Variants in SH2D4B observed in about 807,000 individuals in gnomAD.
SH2D4B encodes SH2 domain-containing protein 4B.
Under a neutral mutation model 61.5 loss-of-function variants are expected in SH2D4B, and 45 were observed. That is an observed-to-expected ratio of 0.73 (90% confidence interval 0.58 to 0.94). The LOEUF (loss-of-function observed/expected upper bound fraction) is 0.94, where lower values mean the gene tolerates loss of function less well. Ranked by LOEUF, SH2D4B falls within the 40% of genes least tolerant of loss-of-function variation. The pLI is 0.00. For synonymous variants in SH2D4B, 224 were observed against 220.4 expected (o/e 1.02, Z -0.14); for missense variants, 572 against 574.2 (o/e 1.00, Z 0.04).
chr10:80,619,683 AT>A (rs1460609872), intron 6 of SH2D4B, among the ~76,000 whole-genome samples: 1 of 152,264 alleles, frequency 6.6e-6, no homozygotes, highest in Non-Finnish European at 1.5e-5. Flanking sequence ...AATATGGCCA[AT>A]AACTATGGGT....
At chr10:80,586,323 G>A (rs1443972139) in intron 3 of SH2D4B, among the ~76,000 whole-genome samples, 2 of 152,242 alleles carry the variant, frequency 1.3e-5, no homozygotes, top group Non-Finnish European at 2.9e-5. Flanking sequence ...ACTGGGTGAA[G>A]CCAGCTGGGC....
At chr10:80,604,791 G>GTTTTTTT (rs34202612) in intron 5 of SH2D4B, among the ~76,000 whole-genome samples, 2 of 148,208 alleles carry the variant, frequency 1.3e-5, no homozygotes, top group Admixed American at 6.7e-5. Context: ...ACTGTTCTTA[G>GTTTTTTT]TTTTTTTTTT....
intron 6 of SH2D4B, 139 bp downstream of exon 6, chr10:80,609,690 G>T (rs766388551): frequency 9.3e-6 from 13 of 1,394,984 alleles, no homozygotes; most frequent in Non-Finnish European, 1.3e-5. Context: ...CCCTCTCCCA[G>T]TGGGAGTCCA....
At chr10:80,558,709 G>A (rs1356656254) in intron 1 of SH2D4B, among the ~76,000 whole-genome samples, 1 of 152,036 alleles carries the variant, frequency 6.6e-6, no homozygotes, top group African/African-American at 2.4e-5. Flanking sequence ...GGTCTTATGT[G>A]GTTAAGGCTG....
At chr10:80,565,558 A>G (rs896344163) in intron 1 of SH2D4B, among the ~76,000 whole-genome samples, 4 of 151,608 alleles carry the variant, frequency 2.6e-5, no homozygotes, top group African/African-American at 7.3e-5. Flanking sequence ...ACCACACCCA[A>G]CTGAAGAACT....
intron 3 of SH2D4B, among the ~76,000 whole-genome samples, chr10:80,580,680 G>A (rs1842176767): frequency 6.6e-6 from 1 of 152,104 alleles, no homozygotes; most frequent in African/African-American, 2.4e-5. Context: ...AGGGGGCCTA[G>A]GATTTTAAAA....
At chr10:80,592,715 CTTTTT>C (rs60807866) in intron 4 of SH2D4B, among the ~76,000 whole-genome samples, 4 of 134,558 alleles carry the variant, frequency 3.0e-5, no homozygotes, top group Non-Finnish European at 4.7e-5. Flanking sequence ...CTCTCTGTCT[CTTTTT>C]TTTTTTTTTT....
At chr10:80,606,242 G>T (rs996813593) in intron 5 of SH2D4B, among the ~76,000 whole-genome samples, 2 of 151,922 alleles carry the variant, frequency 1.3e-5, no homozygotes, top group Non-Finnish European at 2.9e-5. Flanking sequence ...TGGCCTCGTG[G>T]AATACACATC....
At chr10:80,582,801 C>T (rs1050013679) in intron 3 of SH2D4B, among the ~76,000 whole-genome samples, 6 of 152,174 alleles carry the variant, frequency 3.9e-5, no homozygotes, top group African/African-American at 1.4e-4. Context: ...GGCCAGGGGC[C>T]CTGCTTGCTG....
chr10:80,544,810 G>A lies in SH2D4B; in HGVS notation c.184+6295G>A, dbSNP rs10444009. On this transcript the variant is annotated intron_variant, in intron 1 of 7. Coordinates refer to ENST00000646907, the MANE Select transcript of SH2D4B (RefSeq NM_001388272.1). ...GTTAGCTCACGTATCCCCCTGCCTCGATGGTTTTCATGGCACTCATGAAAG... is the reference window on the plus strand; with the variant it reads ...GTTAGCTCACGTATCCCCCTGCCTCAATGGTTTTCATGGCACTCATGAAAG... Among the ~76,000 whole-genome samples the A allele has an allele frequency of 5.4e-3, 826 of 152,274 alleles. 3 individuals are homozygous for A. The highest frequency in any genetic ancestry group is 9.7e-3 in the Non-Finnish European group (661 of 68,020).
At chr10:80,547,536 G>T (rs1383484395) in intron 1 of SH2D4B, among the ~76,000 whole-genome samples, 3 of 152,170 alleles carry the variant, frequency 2.0e-5, no homozygotes, top group Non-Finnish European at 1.5e-5. Context: ...CTGGACACTG[G>T]GGACAGTGAT....
intron 6 of SH2D4B, 134 bp downstream of exon 6, chr10:80,609,685 T>C (rs1443543100): frequency 7.1e-7 from 1 of 1,411,076 alleles, no homozygotes; most frequent in Non-Finnish European, 9.7e-7. Context: ...TCTGTCCCTC[T>C]CCCAGTGGGA....
At chr10:80,632,055 G>A (rs1222965320) in intron 6 of SH2D4B, among the ~76,000 whole-genome samples, 3 of 151,866 alleles carry the variant, frequency 2.0e-5, no homozygotes, top group African/African-American at 4.8e-5. Flanking sequence ...CTCTTGCCTC[G>A]GCCTCCCAAG....
In SH2D4B at chr10:80,539,908, C is replaced by A. The variant is rs1841555958; in HGVS notation, c.184+1393C>A. On this transcript the variant is annotated intron_variant, in intron 1 of 7. Coordinates refer to ENST00000646907, the MANE Select transcript of SH2D4B (RefSeq NM_001388272.1). This position sits in a 1 kb window ranked among gnomAD's most constrained non-coding sequence, Gnocchi z 4.9. ...CAGGTGGCTGCTGCCAAAGCTGGGGCCTTCCGGGCTGGGCTGCGCTGGCAG... is the reference window on the plus strand; with the variant it reads ...CAGGTGGCTGCTGCCAAAGCTGGGGACTTCCGGGCTGGGCTGCGCTGGCAG... 1.3e-5 allele frequency among the ~76,000 whole-genome samples: 2 copies of A among 152,136 alleles called. No homozygotes were observed. Among genetic ancestry groups the A allele is most frequent in the South Asian group, 2.1e-4 (1 of 4,822 alleles).
intron 1 of SH2D4B, among the ~76,000 whole-genome samples, chr10:80,560,693 C>CTT (rs58963330): frequency 3.4e-4 from 20 of 58,860 alleles, no homozygotes; most frequent in South Asian, 2.5e-3. Flanking sequence ...CCTGGCCAAG[C>CTT]TTTTTTTTTT....
At chr10:80,620,220 G>A (rs531395210) in intron 6 of SH2D4B, among the ~76,000 whole-genome samples, 3 of 152,294 alleles carry the variant, frequency 2.0e-5, no homozygotes, top group Admixed American at 2.0e-4. Flanking sequence ...TGGATCATGG[G>A]GGGCGGTTCC....
intron 2 of SH2D4B, among the ~76,000 whole-genome samples, chr10:80,571,191 C>T (rs926613496): frequency 3.9e-5 from 6 of 152,128 alleles, no homozygotes; most frequent in Non-Finnish European, 4.4e-5. Context: ...TATCCTTGTA[C>T]GCTTGAGTGA....
intron 1 of SH2D4B, among the ~76,000 whole-genome samples, chr10:80,544,253 G>A (rs1042872554): frequency 2.0e-5 from 3 of 152,172 alleles, no homozygotes; most frequent in Non-Finnish European, 4.4e-5. Context: ...CTTAAGAGCT[G>A]TAACAGTCAC....
At chr10:80,597,220 C>T (rs1842394711) in intron 4 of SH2D4B, among the ~76,000 whole-genome samples, 1 of 152,006 alleles carries the variant, frequency 6.6e-6, no homozygotes, top group Non-Finnish European at 1.5e-5. Context: ...CTGAGGATGC[C>T]GAGGGACAAT....
Sources: gnomAD v4.1 joint callset for allele counts (sites outside exome capture counted in the v4.1 genomes callset) on GRCh38, gnomAD v4.1.1 for gene constraint, Gnocchi (gnomAD v3.1) non-coding constraint, MANE v1.5 for transcripts, NCBI Gene and HGNC (gene_info 2026-07-23, HGNC 2026-07-21) for gene names.